The following MOGS variants were observed in gnomAD, a reference collection of about 807,000 sequenced individuals.
MOGS encodes the protein mannosyl-oligosaccharide glucosidase.
MOGS carries 45 observed loss-of-function variants against 68.5 expected under a neutral mutation model. That is an observed-to-expected ratio of 0.66 (90% CI 0.52 to 0.84). The LOEUF (loss-of-function observed/expected upper bound fraction) is 0.84, where lower values mean the gene tolerates loss of function less well. Ranked by LOEUF, MOGS falls within the 40% of genes least tolerant of loss-of-function variation. The pLI, the probability that MOGS is intolerant of heterozygous loss-of-function variation, is 0.00. For missense variants in MOGS, 1,020 were observed against 1,095.0 expected (o/e 0.93, Z 0.97); for synonymous variants, 492 against 461.2 (o/e 1.07, Z -0.86).
At position 74,464,525 on chromosome 2, in the gene MOGS, A is replaced by G. The variant is rs770631639; in HGVS notation, c.550T>C (p.Trp184Arg). The G allele has an allele frequency of 1.2e-6, 2 of 1,614,100 alleles. No homozygotes were observed. The highest frequency in any genetic ancestry group is 8.5e-7 in the Non-Finnish European group (1 of 1,179,992). Residue 184 changes from tryptophan (W) to arginine (R), a missense_variant, in exon 2 of 4, where the codon TGG becomes CGG. Around this residue, in one of 3 missense-constraint regions of MOGS, gnomAD observed 569 missense variants for 571.9 expected, o/e 0.99. Coordinates refer to ENST00000448666, the MANE Select transcript of MOGS (RefSeq NM_006302.3). ...GGCTCTACAGTCACTCTCCAGCTCC[A>G]GTCCCCTCCGTGCTGACCCCCAGGC... ...KRPGGQHGGD[W>R]SWRVTVEPQD...
chr2:74,461,574 C>G lies in MOGS; in HGVS notation c.2215G>C (p.Gly739Arg). 3 of 1,613,944 alleles carry G rather than the reference C, an allele frequency of 1.9e-6. No homozygotes were observed. Among genetic ancestry groups the G allele is most frequent in the Non-Finnish European group, 2.5e-6 (3 of 1,179,890 alleles). The change falls in exon 4 of 4, where the codon GGC becomes CGC. Residue 739 changes from glycine to arginine, a missense_variant. This residue lies in a region of MOGS where 270 missense variants were observed against 261.3 expected (regional missense o/e 1.03). Coordinates refer to ENST00000448666, the MANE Select transcript of MOGS (RefSeq NM_006302.3). Reference protein sequence around the residue: ...RSLAASSSFYGQRNSEHDPPY... With the variant: ...RSLAASSSFYRQRNSEHDPPY... ...GGATCATGCTCTGAATTGCGCTGGCCATAAAAGGAGCTGGAGGCTGCAAGG... is the reference window on the plus strand; with the variant it reads ...GGATCATGCTCTGAATTGCGCTGGCGATAAAAGGAGCTGGAGGCTGCAAGG...
Position 74,462,660 on chromosome 2 carries a change from G to A in MOGS, c.1129C>T (p.Gln377Ter). The change falls in exon 4 of 4, where the codon CAG becomes TAG. Residue 377 changes from glutamine to a stop codon, truncating the protein, a stop_gained. Transcript: ENST00000448666. LOFTEE classifies it high-confidence loss of function. Reference protein sequence around the residue: ...GFRERFEKTFQLKEKGLSSGE... With the variant: ...GFRERFEKTF ...GAGCTCAGGCCCTTCTCCTTCAGCT[G>A]GAAGGTCTTCTCAAAGCGCTCTCTA... The A allele has an allele frequency of 6.2e-7, 1 of 1,614,222 alleles. No individual in the cohort carries two copies. The highest frequency in any genetic ancestry group is 2.2e-5 in the East Asian group (1 of 44,880).
Position 74,462,255 on chromosome 2 carries a change from G to A in MOGS, c.1534C>T (p.Pro512Ser), listed in dbSNP as rs1481386323. ...GCTACAGGCAAAAGTAGGGTTGGGG[G>A]GTTGGCGTGGACTGCTCGTTGTACT... ...FLVQRAVHANPPTLLLPVAHM... is the reference protein window; with the variant it reads ...FLVQRAVHANSPTLLLPVAHM... Residue 512 changes from proline (P) to serine (S), a missense_variant, in exon 4 of 4, where the codon CCC becomes TCC. Pro to Ser is a moderately conservative substitution (Grantham distance 74, BLOSUM62 -1). Transcript: ENST00000448666. 1.2e-6 allele frequency: 2 copies of A among 1,614,086 alleles called. No homozygotes were observed.
In MOGS at chr2:74,464,714, A is replaced by T. The variant is rs764121284; in HGVS notation, c.361T>A (p.Trp121Arg). ...SPKPLLTGLM[W>R]AQQGTTPGTP... is the part of the protein sequence containing the mutation. ...CCCGGGGTGGTGCCCTGCTGCGCCCACATCAGTCCTGGGGGTAGAATGGCC... is the reference window on the plus strand; with the variant it reads ...CCCGGGGTGGTGCCCTGCTGCGCCCTCATCAGTCCTGGGGGTAGAATGGCC... The change falls in exon 2 of 4, where the codon TGG (tryptophan) becomes AGG (arginine). Residue 121 changes from tryptophan (W) to arginine (R), a missense_variant. By Grantham distance (101) the Trp-to-Arg change is moderately radical. Transcript: ENST00000448666. 2 of 1,612,270 alleles carry T rather than the reference A, an allele frequency of 1.2e-6. No individual in the cohort carries two copies. Among genetic ancestry groups the T allele is most frequent in the Non-Finnish European group, 8.5e-7 (1 of 1,178,884 alleles).
chr2:74,463,087 G>A lies in MOGS; in HGVS notation c.777-75C>T, dbSNP rs1671974504. On this transcript the variant is annotated intron_variant, in intron 3 of 3. Transcript: ENST00000448666. ...GGCATTATAAAGAGAAATACAAAGT[G>A]TTCAGGAGTCAGGTTGGGAGGTCTC... 1.9e-6 allele frequency: 3 copies of A among 1,609,946 alleles called. No homozygotes were observed. The South Asian group carries it at 3.3e-5, about 18-fold the overall frequency.
Position 74,462,624 on chromosome 2 carries a change from C to G in MOGS, c.1165G>C (p.Val389Leu), listed in dbSNP as rs1391660567. Residue 389 changes from valine to leucine, a missense_variant, in exon 4 of 4, where the codon GTT becomes CTT. Val to Leu is a conservative substitution (Grantham distance 32). Coordinates refer to ENST00000448666, the MANE Select transcript of MOGS (RefSeq NM_006302.3). ...CCGCTGAGGGCAGCCTGACCCAAAA[C>G]CTGCTCGCCAGAGCTCAGGCCCTTC... Reference protein sequence around the residue: ...KEKGLSSGEQVLGQAALSGLL... With the variant: ...KEKGLSSGEQLLGQAALSGLL... The G allele has an allele frequency of 1.9e-6, 3 of 1,614,232 alleles. No homozygotes were observed. The highest frequency in any genetic ancestry group is 2.5e-6 in the Non-Finnish European group (3 of 1,180,048).
In MOGS at chr2:74,461,372, C is replaced by G; in HGVS notation, c.2417G>C (p.Trp806Ser). ...WRQYQATGFL[W>S]EQYSDRDGRG... ...CCCATCGCGGTCACTGTACTGCTCC[C>G]AAAGAAAGCCTGTAGCCTGGTACTG... is the stretch of plus-strand genomic sequence containing the variant. The change falls in exon 4 of 4, where the codon TGG becomes TCG. Residue 806 changes from tryptophan (W) to serine (S), a missense_variant. Physicochemically the swap from Trp to Ser is radical, Grantham distance 177. Coordinates refer to ENST00000448666, the MANE Select transcript of MOGS (RefSeq NM_006302.3). 1 of 1,614,162 alleles carries G rather than the reference C, an allele frequency of 6.2e-7. No homozygotes were observed. The highest frequency in any genetic ancestry group is 8.5e-7 in the Non-Finnish European group (1 of 1,180,054).
intron 3 of MOGS, 67 bp downstream of exon 3, chr2:74,463,123 C>T: frequency 6.2e-7 from 1 of 1,610,140 alleles, no homozygotes; most frequent in Non-Finnish European, 8.5e-7. Flanking sequence ...AGGCAGGGGA[C>T]ATGGAGACTG....
In MOGS at chr2:74,465,206, C is replaced by T; in HGVS notation, c.42G>A (p.Glu14=). ...GERRRRAVPA[E]GVRTAERAAR... is the part of the protein sequence containing the mutation. The stretch of plus-strand genomic sequence containing the variant: ...CCGCCCTCTCGGCTGTCCGCACTCC[C>T]TCTGCCGGCACTGCGCGGCGCCGCC... Residue 14 remains glutamate, a synonymous_variant, in exon 1 of 4, where the codon GAG becomes GAA. Transcript: ENST00000448666. 1.3e-6 allele frequency: 2 copies of T among 1,508,056 alleles called. No homozygotes were observed. The highest frequency in any genetic ancestry group is 1.4e-5 in the African/African-American group (1 of 69,414). 93.4% of individuals were successfully genotyped at this position (1,508,056 alleles called of 1,614,324 possible).
In MOGS at chr2:74,461,754, G is replaced by T; in HGVS notation, c.2035C>A (p.Pro679Thr). ...TCTACATACTGCAGTTGAGGTTGGGGCCGACCCACCACCCGAACGAGCCCC... is the reference window on the plus strand; with the variant it reads ...TCTACATACTGCAGTTGAGGTTGGGTCCGACCCACCACCCGAACGAGCCCC... ...PQGLVRVVGR[P>T]QPQLQYVDAL... Residue 679 changes from proline to threonine, a missense_variant, in exon 4 of 4, where the codon CCC becomes ACC. By Grantham distance (38) the Pro-to-Thr change is conservative (BLOSUM62 -1). Coordinates refer to ENST00000448666, the MANE Select transcript of MOGS (RefSeq NM_006302.3). 1 of 1,614,222 alleles carries T rather than the reference G, an allele frequency of 6.2e-7. No individual in the cohort carries two copies. Among genetic ancestry groups the T allele is most frequent in the Non-Finnish European group, 8.5e-7 (1 of 1,180,032 alleles).
intron 2 of MOGS, among the ~76,000 whole-genome samples, chr2:74,463,821 G>A (rs1214780297): frequency 1.3e-5 from 2 of 151,612 alleles, no homozygotes; most frequent in African/African-American, 4.8e-5. Flanking sequence ...CCGCCACCAC[G>A]CCCAGCTAAT....
chr2:74,462,490 A>C lies in MOGS; in HGVS notation c.1299T>G (p.Pro433=), dbSNP rs774560766. 1.2e-6 allele frequency: 2 copies of C among 1,608,950 alleles called. No homozygotes were observed. Among genetic ancestry groups the C allele is most frequent in the Non-Finnish European group, 8.5e-7 (1 of 1,176,560 alleles). ...ACCGGGAGGGCACTGCTGTAAAAAG[A>C]GGTACGGGTGGAAAGAGGGCTGGGT... ...KVDPALFPPV[P]LFTAVPSRSF... The change falls in exon 4 of 4, where the codon CCT becomes CCG. Residue 433 remains proline (P), a synonymous_variant. Coordinates refer to ENST00000448666, the MANE Select transcript of MOGS (RefSeq NM_006302.3).
At position 74,464,539 on chromosome 2, in the gene MOGS, T is replaced by C; in HGVS notation, c.536A>G (p.Gln179Arg). ...TCTCCAGCTCCAGTCCCCTCCGTGCTGACCCCCAGGCCTCTTGACGAACTC... is the reference window on the plus strand; with the variant it reads ...TCTCCAGCTCCAGTCCCCTCCGTGCCGACCCCCAGGCCTCTTGACGAACTC... Reference protein sequence around the residue: ...TTEFVKRPGGQHGGDWSWRVT... With the variant: ...TTEFVKRPGGRHGGDWSWRVT... Residue 179 changes from glutamine to arginine, a missense_variant, in exon 2 of 4, where the codon CAG (glutamine) becomes CGG (arginine). Around this residue, in one of 3 missense-constraint regions of MOGS, gnomAD observed 569 missense variants for 571.9 expected, o/e 0.99. Coordinates refer to ENST00000448666, the MANE Select transcript of MOGS (RefSeq NM_006302.3). 1 of 1,614,164 alleles carries C rather than the reference T, an allele frequency of 6.2e-7. No individual in the cohort carries two copies. The highest frequency in any genetic ancestry group is 8.5e-7 in the Non-Finnish European group (1 of 1,180,020).
At position 74,463,283 on chromosome 2, in the gene MOGS, T is replaced by C; in HGVS notation, c.683A>G (p.Lys228Arg). 1.2e-6 allele frequency: 2 copies of C among 1,614,124 alleles called. No homozygotes were observed. Among genetic ancestry groups the C allele is most frequent in the Non-Finnish European group, 8.5e-7 (1 of 1,180,034 alleles). The change falls in exon 3 of 4, where the codon AAG (lysine) becomes AGG (arginine). Residue 228 changes from lysine to arginine, a missense_variant. By Grantham distance (26) the Lys-to-Arg change is conservative (BLOSUM62 2). Around this residue, in one of 3 missense-constraint regions of MOGS, gnomAD observed 569 missense variants for 571.9 expected, o/e 0.99. Coordinates refer to ENST00000448666, the MANE Select transcript of MOGS (RefSeq NM_006302.3). ...LPEVGAKGQLKFISGHTSELG... is the reference protein window; with the variant it reads ...LPEVGAKGQLRFISGHTSELG... ...TTCACTGGTGTGCCCACTGATAAAC[T>C]TCAACTGCCCCTTGGCCCCAACCTC... is the stretch of plus-strand genomic sequence containing the variant.
chr2:74,462,379 G>A lies in MOGS; in HGVS notation c.1410C>T (p.Ala470=). Residue 470 remains alanine (A), a synonymous_variant, in exon 4 of 4, where the codon GCC becomes GCT. Transcript: ENST00000448666. ...TTAGCAGCCCCAGCCAGTGGCCAAG[G>A]GCTTCCCGGGTGAGGGAGGGATCCC... ...QRWDPSLTRE[A]LGHWLGLLNA... The A allele has an allele frequency of 6.2e-7, 1 of 1,614,092 alleles. No homozygotes were observed. Among genetic ancestry groups the A allele is most frequent in the Non-Finnish European group, 8.5e-7 (1 of 1,180,008 alleles).
In MOGS at chr2:74,464,584, C is replaced by G. The variant is rs1301582796; in HGVS notation, c.491G>C (p.Gly164Ala). Reference sequence around the variant, plus strand: ...GAACTCAGTGGTGAGCCTTAAGGCCCCATCCTGGATGTGTTGGCGCCCGAA... The same window carrying G: ...GAACTCAGTGGTGAGCCTTAAGGCCGCATCCTGGATGTGTTGGCGCCCGAA... ...LSFGRQHIQD[G>A]ALRLTTEFVK... The change falls in exon 2 of 4, where the codon GGG (glycine) becomes GCG (alanine). Residue 164 changes from glycine (G) to alanine (A), a missense_variant. By Grantham distance (60) the Gly-to-Ala change is moderately conservative. This residue lies in a region of MOGS where 569 missense variants were observed against 571.9 expected (regional missense o/e 0.99). Coordinates refer to ENST00000448666, the MANE Select transcript of MOGS (RefSeq NM_006302.3). The G allele has an allele frequency of 6.2e-7, 1 of 1,614,138 alleles. No individual in the cohort carries two copies. The highest frequency in any genetic ancestry group is 8.5e-7 in the Non-Finnish European group (1 of 1,180,036).
rs754475101 is a variant in MOGS, at chr2:74,462,740, G to C, written c.1049C>G (p.Pro350Arg). 94 of 1,614,184 alleles carry C rather than the reference G, an allele frequency of 5.8e-5. No individual in the cohort carries two copies. Among genetic ancestry groups the C allele is most frequent in the Non-Finnish European group, 7.4e-5 (87 of 1,180,008 alleles). Residue 350 changes from proline (P) to arginine (R), a missense_variant, in exon 4 of 4, where the codon CCA (proline) becomes CGA (arginine). By Grantham distance (103) the Pro-to-Arg change is moderately radical. Around this residue, in one of 3 missense-constraint regions of MOGS, gnomAD observed 569 missense variants for 571.9 expected, o/e 0.99. Coordinates refer to ENST00000448666, the MANE Select transcript of MOGS (RefSeq NM_006302.3). The stretch of plus-strand genomic sequence containing the variant: ...GGTCAGTAGACTGCCTGCCAGTCTT[G>C]GCAGGGCTTGATTTCCTCCTGCCTG... Reference protein sequence around the residue: ...SAQAGGNQALPRLAGSLLTQA... With the variant: ...SAQAGGNQALRRLAGSLLTQA...
rs1423591443 is a variant in MOGS, at chr2:74,465,093, G to A, written c.155C>T (p.Ser52Phe). 5 of 1,553,158 alleles carry A rather than the reference G, an allele frequency of 3.2e-6. No individual in the cohort carries two copies. Among genetic ancestry groups the A allele is most frequent in the Non-Finnish European group, 4.3e-6 (5 of 1,151,534 alleles). ...GCGCCCCGACATACCCAGGGCCAAA[G>A]ACAGGACCACGACGGCCAGAGCCAC... ...GGVALAVVVL[S>F]LALGMSGRWV... Residue 52 changes from serine (S) to phenylalanine (F), a missense_variant, in exon 1 of 4, where the codon TCT becomes TTT. Physicochemically the swap from Ser to Phe is radical, Grantham distance 155. Transcript: ENST00000448666.
Position 74,465,146 on chromosome 2 carries a change from GC to G in MOGS, c.101del (p.Gly34AlafsTer74), listed in dbSNP as rs1672033093. The G allele has an allele frequency of 6.5e-7, 1 of 1,531,396 alleles. No individual in the cohort carries two copies. Among genetic ancestry groups the G allele is most frequent in the Non-Finnish European group, 8.7e-7 (1 of 1,144,802 alleles). 94.9% of individuals were successfully genotyped at this position (1,531,396 alleles called of 1,614,324 possible). On this transcript the variant is annotated frameshift_variant, in exon 1 of 4. Transcript: ENST00000448666. LOFTEE classifies it high-confidence loss of function. ...RGGPGRRDGRGGGPRSTAGGV... is the reference protein window; with the variant it reads ...RGGPGRRDGRXGGPRSTAGGV... ...CTCCAGCCGTGCTACGCGGCCCGCC[GC>G]CCCGGCCGTCCCGTCGCCCGGGGCC...
Sources: gnomAD v4.1 joint callset for allele counts (sites outside exome capture counted in the v4.1 genomes callset) on GRCh38, gnomAD v4.1.1 for gene constraint, gnomAD v4.1.1 regional missense constraint, MANE v1.5 for transcripts, NCBI Gene and HGNC (gene_info 2026-07-23, HGNC 2026-07-21) for gene names.